The following SYNE1 variants were observed in gnomAD, a reference collection of about 807,000 sequenced individuals.
SYNE1 encodes the protein spectrin repeat containing nuclear envelope protein 1, also known as nesprin-1.
Under a neutral mutation model 1,111.0 loss-of-function variants are expected in SYNE1, and 616 were observed. The ratio of observed to expected loss-of-function variants is 0.55; its 90% CI spans 0.52 to 0.59. SYNE1 has a LOEUF of 0.59. Among genes scored for constraint, SYNE1 ranks in the 20% least tolerant of loss-of-function variants. SYNE1 has a pLI of 0.00. For synonymous variants in SYNE1, 3,855 were observed against 3,825.8 expected (o/e 1.01, Z -0.28); for missense variants, 10,006 against 10,417.0 (o/e 0.96, Z 1.72).
rs1372503598 is a variant in SYNE1 at position 152,330,562 on chromosome 6, T to TC, written c.14122dup (p.Glu4708GlyfsTer25). The TC allele has an allele frequency of 6.2e-7, 1 of 1,614,012 alleles. No homozygotes were observed. Among genetic ancestry groups the TC allele is most frequent in the Admixed American group, 1.7e-5 (1 of 60,012 alleles). On this transcript the variant is annotated frameshift_variant, in exon 78 of 146. Transcript: ENST00000367255. LOFTEE classifies it high-confidence loss of function. The stretch of plus-strand genomic sequence containing the variant: ...GCAACCATCTTGCAGAGAAAGAGCC[T>TC]CCTCAACGGCCAGGTCGGTGGGAAC...
At chr6:152,269,427 A>C (rs2093017159) in intron 98 of SYNE1, 141 bp from the exon 99 acceptor site, 3 of 1,259,146 alleles carry the variant, frequency 2.4e-6, no homozygotes, top group Non-Finnish European at 3.4e-6. Flanking sequence ...TTTTTAAAAA[A>C]AACAGTAACA....
chr6:152,214,817 TA>T, intron 122 of SYNE1, 88 bp downstream of exon 122: 1 of 1,534,842 alleles, frequency 6.5e-7, no homozygotes, highest in Non-Finnish European at 9.0e-7. Flanking sequence ...CTGTTCTTTA[TA>T]AATTATGCAT....
intron 96 of SYNE1, among the ~76,000 whole-genome samples, chr6:152,283,206 A>C (rs1453268959): frequency 2.0e-5 from 3 of 152,210 alleles, no homozygotes; most frequent in African/African-American, 7.2e-5. Context: ...TCTCTATATT[A>C]AATAATATTT....
chr6:152,334,392 GAAGAATGTATAAT>G, intron 76 of SYNE1, 119 bp from the exon 77 acceptor site: 1 of 1,116,642 alleles, frequency 9.0e-7, no homozygotes, highest in South Asian at 1.5e-5. Context: ...GAAAAAAACT[GAAGAATGTATAAT>G]AAGTTATGGG....
At chr6:152,407,762 C>CTTTTT (rs34322784) in intron 44 of SYNE1, among the ~76,000 whole-genome samples, 1 of 123,986 alleles carries the variant, frequency 8.1e-6, no homozygotes, top group Non-Finnish European at 1.7e-5. Flanking sequence ...AAAGAATGTT[C>CTTTTT]TTTTTTTTTT....
rs997194150 is a variant in SYNE1 at position 152,294,032 on chromosome 6, T to C, written c.17778A>G (p.Glu5926=). ...PSTSASQEFY[E]PGLEPSATAK... ...CAGTAGCGGATGGCTCCAATCCCGGTTCATAGAACTCCTGGGATGCGGATG... is the reference window on the plus strand; with the variant it reads ...CAGTAGCGGATGGCTCCAATCCCGGCTCATAGAACTCCTGGGATGCGGATG... The change falls in exon 94 of 146, where the codon GAA becomes GAG. Residue 5926 remains glutamate, a synonymous_variant. Transcript: ENST00000367255. The C allele has an allele frequency of 6.2e-7, 1 of 1,614,080 alleles. No individual in the cohort carries two copies. The highest frequency in any genetic ancestry group is 1.7e-5 in the Admixed American group (1 of 60,016).
At chr6:152,379,775 A>G (rs1010384176) in intron 56 of SYNE1, among the ~76,000 whole-genome samples, 1 of 152,146 alleles carries the variant, frequency 6.6e-6, no homozygotes, top group Non-Finnish European at 1.5e-5. Flanking sequence ...CTGCATTCTC[A>G]TGTATATTTT....
At chr6:152,627,339 T>G (rs1028384505) in intron 3 of SYNE1, among the ~76,000 whole-genome samples, 1 of 152,168 alleles carries the variant, frequency 6.6e-6, no homozygotes, top group Non-Finnish European at 1.5e-5. Context: ...AGTATTTCCC[T>G]GTTAGTTTTC....
chr6:152,136,603 C>T lies in SYNE1; in HGVS notation c.25659+15G>A. On this transcript the variant is annotated intron_variant, in intron 141 of 145. Coordinates refer to ENST00000367255, the MANE Select transcript of SYNE1 (RefSeq NM_182961.4). ...GTCTCTCTCTGAGTCACCTCCTGCCCAAAGCTCTACAGACCTGGCACTGCA... is the reference window on the plus strand; with the variant it reads ...GTCTCTCTCTGAGTCACCTCCTGCCTAAAGCTCTACAGACCTGGCACTGCA... 6.2e-7 allele frequency: 1 copy of T among 1,612,592 alleles called. No homozygotes were observed. Among genetic ancestry groups the T allele is most frequent in the Non-Finnish European group, 8.5e-7 (1 of 1,179,996 alleles).
chr6:152,289,925 C>CTTTTTT (rs71017532), intron 95 of SYNE1, among the ~76,000 whole-genome samples: 4 of 130,000 alleles, frequency 3.1e-5, no homozygotes, highest in Non-Finnish European at 6.5e-5. Context: ...CGCGCCCAGC[C>CTTTTTT]TTTTTTTTTT....
intron 2 of SYNE1, among the ~76,000 whole-genome samples, chr6:152,630,459 T>A (rs1329674346): frequency 6.6e-6 from 1 of 152,234 alleles, no homozygotes; most frequent in Non-Finnish European, 1.5e-5. Context: ...TGGAATTGTG[T>A]GCCCATTAGC....
chr6:152,305,374 T>C (rs1562930779), intron 91 of SYNE1, among the ~76,000 whole-genome samples: 1 of 152,152 alleles, frequency 6.6e-6, no homozygotes, highest in Non-Finnish European at 1.5e-5. Context: ...CAAGCGATTC[T>C]CCTGTCTCAG....
chr6:152,279,208 A>G (rs2093855548), intron 97 of SYNE1, among the ~76,000 whole-genome samples: 1 of 148,714 alleles, frequency 6.7e-6, no homozygotes, highest in African/African-American at 2.5e-5. Flanking sequence ...ATTAGAGAAA[A>G]AGAAAAATAG....
intron 100 of SYNE1, among the ~76,000 whole-genome samples, chr6:152,267,268 A>T (rs1434700871): frequency 6.6e-6 from 1 of 152,238 alleles, no homozygotes; most frequent in African/African-American, 2.4e-5. Flanking sequence ...CCAAATTACA[A>T]CTTTTAGTAA....
At position 152,458,739 on chromosome 6, in the gene SYNE1, G is replaced by A. The variant is rs1487111173; in HGVS notation, c.2568+18C>T. On this transcript the variant is annotated intron_variant, in intron 22 of 145. Transcript: ENST00000367255. ...ACATGCTTTAGAATAATTGTCTCCT[G>A]AAAAGGATTGTTCTCACCTGATGTT... The A allele has an allele frequency of 1.9e-6, 3 of 1,613,258 alleles. No individual in the cohort carries two copies. In the African/African-American group the frequency reaches 4.0e-5, roughly 22 times the overall value.
chr6:152,560,862 A>T (rs2099392988), intron 3 of SYNE1, among the ~76,000 whole-genome samples: 1 of 152,204 alleles, frequency 6.6e-6, no homozygotes, highest in Non-Finnish European at 1.5e-5. Flanking sequence ...ACAAAACTCA[A>T]CATAATTTTA....
rs529616592 is a variant in SYNE1 at position 152,610,157 on chromosome 6, A to G, written c.67+18108T>C. On this transcript the variant is annotated intron_variant, in intron 3 of 145. Coordinates refer to ENST00000367255, the MANE Select transcript of SYNE1 (RefSeq NM_182961.4). Reference sequence around the variant, plus strand: ...GACAGAGAATGACTTTGGCAAGTTAACAGAGTAGGCTTCAGAAGGTTGGTA... The same window carrying G: ...GACAGAGAATGACTTTGGCAAGTTAGCAGAGTAGGCTTCAGAAGGTTGGTA... Among the ~76,000 whole-genome samples the G allele has an allele frequency of 6.6e-5, 10 of 152,332 alleles. No homozygotes were observed. The South Asian group carries it at 2.1e-3, about 32-fold the overall frequency.
intron 115 of SYNE1, among the ~76,000 whole-genome samples, chr6:152,226,993 A>G (rs1299696906): frequency 6.6e-6 from 1 of 152,210 alleles, no homozygotes; most frequent in East Asian, 1.9e-4. Flanking sequence ...ACTTTGGATA[A>G]CACCTCAATT....
chr6:152,274,949 C>T (rs1365079200), intron 98 of SYNE1, among the ~76,000 whole-genome samples: 1 of 152,184 alleles, frequency 6.6e-6, no homozygotes, highest in Non-Finnish European at 1.5e-5. Flanking sequence ...TGCAGTGGCA[C>T]AATCATAGCT....
Sources: gnomAD v4.1 joint callset for allele counts (sites outside exome capture counted in the v4.1 genomes callset) on GRCh38, gnomAD v4.1.1 for gene constraint, MANE v1.5 for transcripts, NCBI Gene and HGNC (gene_info 2026-07-23, HGNC 2026-07-21) for gene names.